The following WARS1 variants were observed in gnomAD, a reference collection of about 807,000 sequenced individuals.
The protein encoded by WARS1 is tryptophanyl-tRNA synthetase 1, also known as tryptophan--tRNA ligase, cytoplasmic.
In WARS1, 17 loss-of-function variants were observed where a neutral mutation model predicts 47.8. The ratio of observed to expected loss-of-function variants is 0.36; its 90% CI spans 0.24 to 0.53. The LOEUF (loss-of-function observed/expected upper bound fraction) is 0.53, where lower values mean the gene tolerates loss of function less well. Among genes scored for constraint, WARS1 ranks in the 20% least tolerant of loss-of-function variants. The pLI, the probability that WARS1 is intolerant of heterozygous loss-of-function variation, is 0.91. For synonymous variants in WARS1, 208 were observed against 228.1 expected (o/e 0.91, Z 0.79); for missense variants, 434 against 608.0 (o/e 0.71, Z 3.01).
At chr14:100,339,128 C>CAT (rs1487463344) in intron 9 of WARS1, among the ~76,000 whole-genome samples, 3 of 139,248 alleles carry the variant, frequency 2.2e-5, no homozygotes, top group Non-Finnish European at 4.8e-5. Flanking sequence ...CACACATACA[C>CAT]ACACACACAC....
At chr14:100,362,864 C>T (rs937926895) in intron 2 of WARS1, among the ~76,000 whole-genome samples, 1 of 152,204 alleles carries the variant, frequency 6.6e-6, no homozygotes, top group African/African-American at 2.4e-5. Context: ...CACCAACCTC[C>T]ATTCAGAGAT....
chr14:100,360,133 C>G (rs1225214633), intron 4 of WARS1, among the ~76,000 whole-genome samples: 2 of 152,122 alleles, frequency 1.3e-5, no homozygotes, highest in African/African-American at 2.4e-5. Flanking sequence ...GTTGGTTTGT[C>G]TGTTGGTATT....
chr14:100,343,204 C>A, intron 8 of WARS1, 71 bp downstream of exon 8: 1 of 1,340,668 alleles, frequency 7.5e-7, no homozygotes, highest in South Asian at 1.3e-5. Context: ...ATACCTCTCC[C>A]CGCTGAAGAG....
In WARS1 at chr14:100,334,985, C is replaced by T; in HGVS notation, c.1306G>A (p.Glu436Lys). The T allele has an allele frequency of 3.1e-6, 5 of 1,614,200 alleles. No homozygotes were observed. The highest frequency in any genetic ancestry group is 4.2e-6 in the Non-Finnish European group (5 of 1,180,024). Residue 436 changes from glutamate to lysine, a missense_variant, in exon 11 of 11, where the codon GAG (glutamate) becomes AAG (lysine). By Grantham distance (56) the Glu-to-Lys change is moderately conservative (BLOSUM62 1). Coordinates refer to ENST00000392882, the MANE Select transcript of WARS1 (RefSeq NM_004184.4). ...TCTGCGATCAAGGGCTGCAGAACCT[C>T]TATGAGTGCCTTCTTGAGCTCACCG... Reference protein sequence around the residue: ...LTGELKKALIEVLQPLIAEHQ... With the variant: ...LTGELKKALIKVLQPLIAEHQ...
chr14:100,342,450 T>C lies in WARS1; in HGVS notation c.1061A>G (p.Asp354Gly). The C allele has an allele frequency of 6.2e-7, 1 of 1,613,876 alleles. No individual in the cohort carries two copies. Among genetic ancestry groups the C allele is most frequent in the Non-Finnish European group, 8.5e-7 (1 of 1,179,952 alleles). ...GGTGAGGAAGATGGAGGAGTTGGGG[T>C]CGCTGGCACTCATTTTGGTCTGGGC... is the stretch of plus-strand genomic sequence containing the variant. ...QGAQTKMSASDPNSSIFLTDT... is the reference protein window; with the variant it reads ...QGAQTKMSASGPNSSIFLTDT... The change falls in exon 9 of 11, where the codon GAC becomes GGC. Residue 354 changes from aspartate (D) to glycine (G), a missense_variant. Asp to Gly is a moderately conservative substitution (Grantham distance 94). Transcript: ENST00000392882.
chr14:100,374,130 TC>T lies in WARS1; in HGVS notation c.-74+1152del, dbSNP rs1896501615. ...ATGGTTTTGAGCAGTCTCCTGGCTTTCTTACCTTTCGAAAGGAGGCTGAGAT... is the reference window on the plus strand; with the variant it reads ...ATGGTTTTGAGCAGTCTCCTGGCTTTTTACCTTTCGAAAGGAGGCTGAGAT... On this transcript the variant is annotated intron_variant, in intron 1 of 10. Transcript: ENST00000392882. 6 of 152,328 alleles carry T rather than the reference TC, an allele frequency of 3.9e-5. No individual in the cohort carries two copies. The South Asian group carries it at 6.2e-4, about 16-fold the overall frequency. The allele number at this position is 152,328 out of a possible 1,614,324, so 9.4% of individuals were successfully genotyped here. A position where few individuals can be genotyped will look rare whatever the true frequency, so the allele number is the denominator to read the frequency against.
At chr14:100,355,518 G>A (rs747616508) in intron 4 of WARS1, among the ~76,000 whole-genome samples, 3 of 152,108 alleles carry the variant, frequency 2.0e-5, no homozygotes, top group Admixed American at 6.5e-5. Flanking sequence ...ACTGCGCCTG[G>A]CCGGGAATTT....
chr14:100,344,474 G>A (rs1283227608), intron 7 of WARS1, among the ~76,000 whole-genome samples: 2 of 152,206 alleles, frequency 1.3e-5, no homozygotes, highest in Non-Finnish European at 2.9e-5. Context: ...CTCCCAAAGT[G>A]CCGAGATTGC....
Position 100,343,411 on chromosome 14 carries a change from T to C in WARS1, c.827-24A>G, listed in dbSNP as rs769405658. ...CCCTGAAAATGAGAAAAAGTATTTT[T>C]ACACGTGAGATGAGTTCCTGTTCTG... On this transcript the variant is annotated intron_variant, in intron 7 of 10. Coordinates refer to ENST00000392882, the MANE Select transcript of WARS1 (RefSeq NM_004184.4). 3.2e-6 allele frequency: 5 copies of C among 1,575,526 alleles called. No homozygotes were observed. In the South Asian group the frequency reaches 5.7e-5, roughly 18 times the overall value.
At chr14:100,336,896 G>A in intron 10 of WARS1, 166 bp downstream of exon 10, 10 of 888,372 alleles carry the variant, frequency 1.1e-5, no homozygotes, top group Non-Finnish European at 1.7e-5. Flanking sequence ...TGAGGCTTCT[G>A]AGCCCAGGCC....
chr14:100,367,988 G>A (rs988274477), intron 2 of WARS1, among the ~76,000 whole-genome samples: 4 of 152,136 alleles, frequency 2.6e-5, no homozygotes, highest in African/African-American at 4.8e-5. Context: ...AGCAGGAAAC[G>A]GGGCACCCAA....
chr14:100,340,981 C>G (rs140085914), intron 9 of WARS1, among the ~76,000 whole-genome samples: 1,822 of 145,476 alleles, frequency 0.013, 39 homozygotes, highest in African/African-American at 0.043. Context: ...GTGGTGCGAT[C>G]TCGGCTCACT....
In WARS1 at chr14:100,337,223, GAC is replaced by G. The variant is rs778134498; in HGVS notation, c.1114-23_1114-22del. 2.5e-6 allele frequency: 4 copies of G among 1,611,742 alleles called. No homozygotes were observed. In the African/African-American group the frequency reaches 5.3e-5, roughly 21 times the overall value. On this transcript the variant is annotated intron_variant, in intron 9 of 10. Transcript: ENST00000392882. ...TTGACCTGCACCAGAAGAGGACACA[GAC>G]ACGCTCCTCAGTCCTGCTCATCCTG... is the stretch of plus-strand genomic sequence containing the variant.
rs752624854 is a variant in WARS1 at position 100,369,188 on chromosome 14, T to C, written c.-3A>G. 7 of 1,467,900 alleles carry C rather than the reference T, an allele frequency of 4.8e-6. No individual in the cohort carries two copies. Among genetic ancestry groups the C allele is most frequent in the Non-Finnish European group, 6.4e-6 (7 of 1,089,996 alleles). The allele number at this position is 1,467,900 out of a possible 1,614,324, so 90.9% of individuals were successfully genotyped here. On this transcript the variant is annotated 5_prime_UTR_variant, in exon 2 of 11. Transcript: ENST00000392882. Reference sequence around the variant, plus strand: ...GATGCGGGCTCACTGTTGGGCATGTTTGCTATCTCTCAGGAACTACGTTCA... The same window carrying C: ...GATGCGGGCTCACTGTTGGGCATGTCTGCTATCTCTCAGGAACTACGTTCA...
chr14:100,344,933 C>T (rs902195533), intron 7 of WARS1, among the ~76,000 whole-genome samples: 4 of 151,930 alleles, frequency 2.6e-5, no homozygotes, highest in Non-Finnish European at 5.9e-5. Flanking sequence ...CAGCAGCCAC[C>T]CCGTCCTGGA....
At chr14:100,368,632 G>A (rs532244519) in intron 2 of WARS1, among the ~76,000 whole-genome samples, 18 of 152,286 alleles carry the variant, frequency 1.2e-4, no homozygotes, top group African/African-American at 4.1e-4. Context: ...TTAGACCACA[G>A]GCATCCCAAT....
Position 100,354,515 on chromosome 14 carries a change from C to T in WARS1, c.474G>A (p.Leu158=). The T allele has an allele frequency of 6.2e-7, 1 of 1,614,008 alleles. No individual in the cohort carries two copies. The highest frequency in any genetic ancestry group is 8.5e-7 in the Non-Finnish European group (1 of 1,179,960). Residue 158 remains leucine, a synonymous_variant, in exon 5 of 11, where the codon CTG becomes CTA. Transcript: ENST00000392882. ...DAYENKKPFY[L]YTGRGPSSEA... Reference sequence around the variant, plus strand: ...CAGAAGAGGGGCCCCGGCCCGTGTACAGATAAAATGGCTTCTTATTTTCAT... The same window carrying T: ...CAGAAGAGGGGCCCCGGCCCGTGTATAGATAAAATGGCTTCTTATTTTCAT...
intron 10 of WARS1, 173 bp downstream of exon 10, chr14:100,336,889 G>A: frequency 1.3e-6 from 1 of 795,600 alleles, no homozygotes; most frequent in South Asian, 2.2e-5. Flanking sequence ...TTGTTCATGA[G>A]GCTTCTGAGC....
chr14:100,364,079 T>C (rs1002101259), intron 2 of WARS1, among the ~76,000 whole-genome samples: 6 of 152,122 alleles, frequency 3.9e-5, no homozygotes, highest in Non-Finnish European at 7.4e-5. Flanking sequence ...TTGATTTGGG[T>C]GCTGGTTACA....
Sources: gnomAD v4.1 joint callset for allele counts (sites outside exome capture counted in the v4.1 genomes callset) on GRCh38, gnomAD v4.1.1 for gene constraint, MANE v1.5 for transcripts, NCBI Gene and HGNC (gene_info 2026-07-23, HGNC 2026-07-21) for gene names.